Variants in PALLD observed in about 807,000 individuals in gnomAD.
PALLD encodes the protein palladin, cytoskeletal associated protein, also known as palladin.
A neutral mutation model predicts 123.5 loss-of-function variants in PALLD; 61 were observed. The observed-to-expected ratio is 0.49, with a 90% CI of 0.40 to 0.61. PALLD has a LOEUF of 0.61. PALLD is among the 20% of genes least tolerant of loss of function. The pLI is 0.00. For synonymous variants in PALLD, 465 were observed against 496.4 expected, an observed-to-expected ratio of 0.94 and a Z score of 0.84; for missense variants, 1,273 against 1,377.0, an observed-to-expected ratio of 0.92 and a Z score of 1.20.
rs1759583376 is a variant in PALLD, at chr4:168,913,965, T to C, written c.2661T>C (p.Ala887=). 1.9e-6 allele frequency: 3 copies of C among 1,613,398 alleles called. 1 individual carries two copies. In the African/African-American group the frequency reaches 4.0e-5, roughly 22 times the overall value. ...GTACTGGACGGCTAATGGTACAGGC[T>C]GTCAACCAAAGAGGTCGAAGTCCCC... The part of the protein sequence containing the change: ...ISCTGRLMVQ[A]VNQRGRSPRS... Residue 887 remains alanine (A), a synonymous_variant, in exon 16 of 22, where the codon GCT becomes GCC. Transcript: ENST00000505667.
At chr4:168,748,979 A>G (rs10003661) in intron 10 of PALLD, among the ~76,000 whole-genome samples, 84,540 of 152,034 alleles carry the variant, frequency 0.56, 23,808 homozygotes, top group African/African-American at 0.64. Context: ...GACAGAGTTT[A>G]GATATATGTC....
chr4:168,862,318 T>A (rs931412971), intron 10 of PALLD, among the ~76,000 whole-genome samples: 19 of 151,720 alleles, frequency 1.3e-4, no homozygotes, highest in African/African-American at 4.6e-4. Flanking sequence ...CTAATTTTTT[T>A]TTTTATTTTA....
chr4:168,746,380 CA>C (rs747755592), intron 10 of PALLD, among the ~76,000 whole-genome samples: 422 of 36,938 alleles, frequency 0.011, no homozygotes, highest in South Asian at 0.033. Flanking sequence ...GAACCCGTCT[CA>C]AAAAAAAAAA....
At chr4:168,565,894 CT>C (rs1481175935) in intron 2 of PALLD, among the ~76,000 whole-genome samples, 1 of 152,040 alleles carries the variant, frequency 6.6e-6, no homozygotes, top group Non-Finnish European at 1.5e-5. Flanking sequence ...ATTTTGACTT[CT>C]AAATCTAGCC....
intron 2 of PALLD, among the ~76,000 whole-genome samples, chr4:168,606,089 GT>G (rs563619788): frequency 6.6e-6 from 1 of 152,154 alleles, no homozygotes; most frequent in Non-Finnish European, 1.5e-5. Context: ...GTCCTTGCCT[GT>G]AAAGTGAATT....
intron 5 of PALLD, among the ~76,000 whole-genome samples, 186 bp from the exon 6 acceptor site, chr4:168,685,299 G>C (rs1781924970): frequency 6.6e-6 from 1 of 152,200 alleles, no homozygotes; most frequent in African/African-American, 2.4e-5. Flanking sequence ...AAGAGTAACA[G>C]ATGTGAAATG....
intron 10 of PALLD, among the ~76,000 whole-genome samples, chr4:168,741,858 G>A (rs1344605418): frequency 2.0e-5 from 3 of 152,190 alleles, no homozygotes; most frequent in Admixed American, 2.0e-4. Flanking sequence ...GAAACATTTT[G>A]GAGAGGTGGG....
intron 2 of PALLD, among the ~76,000 whole-genome samples, chr4:168,562,932 GA>G (rs1465055513): frequency 1.3e-5 from 2 of 152,328 alleles, no homozygotes; most frequent in Admixed American, 6.5e-5. Flanking sequence ...AAGGGTATGT[GA>G]AAGGCAAGAG....
intron 17 of PALLD, among the ~76,000 whole-genome samples, chr4:168,920,252 C>CCTAA (rs1216836432): frequency 6.6e-6 from 1 of 152,170 alleles, no homozygotes; most frequent in Non-Finnish European, 1.5e-5. Flanking sequence ...AGCCAAGCTG[C>CCTAA]CTAACTACTG....
chr4:168,680,517 T>C (rs1332116075), intron 3 of PALLD, among the ~76,000 whole-genome samples: 3 of 144,650 alleles, frequency 2.1e-5, no homozygotes, highest in Non-Finnish European at 4.5e-5. Context: ...AAAACACTTA[T>C]CTGGAACAAT....
At chr4:168,567,631 G>C (rs561494653) in intron 2 of PALLD, among the ~76,000 whole-genome samples, 65 of 149,042 alleles carry the variant, frequency 4.4e-4, no homozygotes, top group African/African-American at 1.5e-3. Context: ...GTACACCATG[G>C]AATACTACTC....
chr4:168,860,389 A>C (rs1383464492), intron 10 of PALLD, among the ~76,000 whole-genome samples: 1 of 152,246 alleles, frequency 6.6e-6, no homozygotes, highest in African/African-American at 2.4e-5. Context: ...ACATCAGTGT[A>C]GTCATTTCAG....
intron 2 of PALLD, among the ~76,000 whole-genome samples, chr4:168,514,493 G>A (rs528949469): frequency 6.6e-6 from 1 of 152,148 alleles, no homozygotes; most frequent in Non-Finnish European, 1.5e-5. Flanking sequence ...ACTTTTTCAT[G>A]TGTTCATTTA....
chr4:168,730,331 G>A (rs1416543695), intron 10 of PALLD, among the ~76,000 whole-genome samples: 1 of 151,842 alleles, frequency 6.6e-6, no homozygotes, highest in Non-Finnish European at 1.5e-5. Context: ...ATTCTTTCAT[G>A]GCATTCTGTT....
intron 2 of PALLD, among the ~76,000 whole-genome samples, chr4:168,543,944 G>A (rs1765892881): frequency 6.6e-6 from 1 of 152,208 alleles, no homozygotes; most frequent in Non-Finnish European, 1.5e-5. Flanking sequence ...GTGTATACAT[G>A]AAGATGTACT....
intron 2 of PALLD, among the ~76,000 whole-genome samples, chr4:168,538,937 A>G (rs940749985): frequency 7.2e-5 from 11 of 152,262 alleles, no homozygotes; most frequent in African/African-American, 2.4e-4. Context: ...CTTCGTGTTC[A>G]TGTGGTTCAG....
chr4:168,737,526 G>GT (rs990156302), intron 10 of PALLD, among the ~76,000 whole-genome samples: 114 of 147,984 alleles, frequency 7.7e-4, no homozygotes, highest in African/African-American at 1.7e-3. Context: ...TGTTTTTTTG[G>GT]TTTTTTTTTT....
intron 1 of PALLD, among the ~76,000 whole-genome samples, chr4:168,497,959 A>G (rs1014075258): frequency 5.9e-5 from 9 of 152,246 alleles, no homozygotes; most frequent in African/African-American, 2.2e-4. Context: ...ATTGCCTTCT[A>G]GTATGAATAA....
chr4:168,667,183 A>G (rs973394666), intron 2 of PALLD, among the ~76,000 whole-genome samples: 2 of 152,178 alleles, frequency 1.3e-5, no homozygotes, highest in Non-Finnish European at 2.9e-5. Context: ...TCTACTCTAA[A>G]TACAGAAAAA....
Sources: gnomAD v4.1 joint callset for allele counts (sites outside exome capture counted in the v4.1 genomes callset) on GRCh38, gnomAD v4.1.1 for gene constraint, MANE v1.5 for transcripts, NCBI Gene and HGNC (gene_info 2026-07-23, HGNC 2026-07-21) for gene names.